The following PRIM2 variants were observed in gnomAD, a reference collection of about 807,000 sequenced individuals.
PRIM2 encodes the protein DNA primase subunit 2, also known as DNA primase large subunit.
A neutral mutation model predicts 67.3 loss-of-function variants in PRIM2; 39 were observed. That is an observed-to-expected ratio of 0.58 (90% confidence interval 0.45 to 0.76). The LOEUF is 0.76. Among genes scored for constraint, PRIM2 ranks in the 30% least tolerant of loss-of-function variants. The pLI is 0.00. For missense variants in PRIM2, 398 were observed against 598.7 expected (o/e 0.66, Z 3.50); for synonymous variants, 143 against 198.7 (o/e 0.72, Z 2.36).
intron 12 of PRIM2, among the ~76,000 whole-genome samples, chr6:57,630,831 CAGTGTT>C (rs1777027206): frequency 1.3e-5 from 2 of 152,128 alleles, no homozygotes; most frequent in Non-Finnish European, 2.9e-5. Context: ...AACATGAACT[CAGTGTT>C]AGCGTTACTT....
At chr6:57,273,158 A>G in the PRIM2 span, among the ~76,000 whole-genome samples, 3 of 152,026 alleles carry the variant, frequency 2.0e-5, no homozygotes. Flanking sequence ...TATTTCCTGA[A>G]TCTGAATGTT....
intron 7 of PRIM2, among the ~76,000 whole-genome samples, chr6:57,408,242 A>G (rs1770965719): frequency 6.6e-6 from 1 of 152,210 alleles, no homozygotes; most frequent in African/African-American, 2.4e-5. Flanking sequence ...AGAGTTTAAT[A>G]GGCAAGACAG....
chr6:57,595,781 T>C (rs1230231809), intron 10 of PRIM2, among the ~76,000 whole-genome samples: 4 of 152,206 alleles, frequency 2.6e-5, no homozygotes, highest in African/African-American at 2.4e-5. Context: ...TCCACCCTCC[T>C]ATCATCTCCA....
intron 5 of PRIM2, among the ~76,000 whole-genome samples, chr6:57,346,668 C>T (rs1768688781): frequency 1.3e-5 from 2 of 152,122 alleles, no homozygotes; most frequent in Non-Finnish European, 2.9e-5. Context: ...TCCCTCTTTC[C>T]TCCAAGTTCC....
At chr6:57,222,236 G>C in the PRIM2 span, 1 of 152,528 alleles carries the variant, frequency 6.6e-6, no homozygotes, top group Admixed American at 6.5e-5. Context: ...CTCAGCAGCA[G>C]CTCCGCCGGG....
intron 12 of PRIM2, among the ~76,000 whole-genome samples, chr6:57,626,278 A>T (rs1464778388): frequency 6.6e-6 from 1 of 152,230 alleles, no homozygotes; most frequent in Non-Finnish European, 1.5e-5. Flanking sequence ...GAGTATTAGC[A>T]AGAGGGAGGA....
At chr6:57,602,645 CA>C (rs1321089440) in intron 11 of PRIM2, among the ~76,000 whole-genome samples, 9 of 152,138 alleles carry the variant, frequency 5.9e-5, no homozygotes, top group Non-Finnish European at 1.2e-4. Context: ...CAGGTTCTAG[CA>C]TTTGTCTCTT....
chr6:57,279,443 C>G, the PRIM2 span, among the ~76,000 whole-genome samples: 1 of 152,040 alleles, frequency 6.6e-6, no homozygotes, highest in South Asian at 2.1e-4. Flanking sequence ...TCAGAGAAAC[C>G]TTGTGTGGAT....
intron 10 of PRIM2, among the ~76,000 whole-genome samples, chr6:57,566,758 AT>A (rs1288396964): frequency 6.6e-6 from 1 of 152,152 alleles, no homozygotes; most frequent in East Asian, 1.9e-4. Context: ...TTCCTGTTTT[AT>A]TTTCTGCATA....
intron 7 of PRIM2, among the ~76,000 whole-genome samples, chr6:57,425,965 CTATTT>C (rs1662479502): frequency 1.3e-5 from 2 of 152,242 alleles, no homozygotes; most frequent in East Asian, 3.9e-4. Context: ...TTATCAATTT[CTATTT>C]TAAAAGTTAA....
intron 7 of PRIM2, among the ~76,000 whole-genome samples, chr6:57,494,413 A>T (rs1554346224): frequency 6.6e-6 from 1 of 152,202 alleles, no homozygotes; most frequent in African/African-American, 2.4e-5. Context: ...TCTCTAATCT[A>T]AAAGGAGATA....
chr6:57,542,715 A>G (rs1402515942), intron 10 of PRIM2, among the ~76,000 whole-genome samples: 2 of 151,954 alleles, frequency 1.3e-5, no homozygotes, highest in East Asian at 1.9e-4. Context: ...CTGACTTTCT[A>G]TGACTATTTA....
intron 7 of PRIM2, among the ~76,000 whole-genome samples, chr6:57,498,054 T>A (rs1340105665): frequency 6.6e-6 from 1 of 152,194 alleles, no homozygotes; most frequent in African/African-American, 2.4e-5. Context: ...CTTGTAAAAG[T>A]TAATTTTATT....
intron 10 of PRIM2, among the ~76,000 whole-genome samples, chr6:57,598,538 A>G (rs1382537290): frequency 2.6e-5 from 4 of 152,072 alleles, no homozygotes; most frequent in East Asian, 1.9e-4. Flanking sequence ...TGGTTGACCA[A>G]TGGGGTGTGG....
intron 7 of PRIM2, among the ~76,000 whole-genome samples, chr6:57,394,273 T>C (rs1446276449): frequency 6.6e-6 from 1 of 152,216 alleles, no homozygotes; most frequent in Non-Finnish European, 1.5e-5. Context: ...TTTCACAATA[T>C]TGATTTTTCT....
Position 57,646,742 on chromosome 6 carries a change from T to TC in PRIM2, c.*589dup, listed in dbSNP as rs1242199788. ...AAACAGCTTTGGGGACTGGTTAAAGTCCCCCAGAAACTACAATAAAGAACA... is the reference window on the plus strand; with the variant it reads ...AAACAGCTTTGGGGACTGGTTAAAGTCCCCCCAGAAACTACAATAAAGAACA... On this transcript the variant is annotated 3_prime_UTR_variant, in exon 14 of 14. Coordinates refer to ENST00000615550, the MANE Select transcript of PRIM2 (RefSeq NM_000947.5). 3.3e-5 allele frequency: 5 copies of TC among 152,188 alleles called. No homozygotes were observed. The highest frequency in any genetic ancestry group is 1.2e-4 in the African/African-American group (5 of 41,440). The allele number at this position is 152,188 out of a possible 1,614,324, so 9.4% of individuals were successfully genotyped here.
intron 7 of PRIM2, among the ~76,000 whole-genome samples, chr6:57,427,182 G>C (rs1215872383): frequency 6.6e-6 from 1 of 152,160 alleles, no homozygotes; most frequent in East Asian, 1.9e-4. Flanking sequence ...TTCAGTCTTA[G>C]TTTTCGTGTT....
chr6:57,388,211 G>A (rs550849545), intron 7 of PRIM2, among the ~76,000 whole-genome samples: 1 of 152,286 alleles, frequency 6.6e-6, no homozygotes, highest in African/African-American at 2.4e-5. Flanking sequence ...TTGAATAAGT[G>A]AGTGATATGA....
intron 5 of PRIM2, among the ~76,000 whole-genome samples, chr6:57,355,196 C>T (rs762005041): frequency 7.7e-4 from 116 of 150,614 alleles, no homozygotes; most frequent in South Asian, 1.3e-3. Context: ...CCCAGCTACT[C>T]GGGAGGCTGA....
Sources: allele counts gnomAD v4.1 joint callset (sites outside exome capture counted in the v4.1 genomes callset), GRCh38; gene constraint gnomAD v4.1.1; transcripts MANE v1.5; gene names NCBI Gene and HGNC (gene_info 2026-07-23, HGNC 2026-07-21).